Variants in GRM3 observed in about 807,000 individuals in gnomAD.
GRM3 encodes glutamate metabotropic receptor 3, also known as metabotropic glutamate receptor 3.
Under a neutral mutation model 70.5 loss-of-function variants are expected in GRM3, and 26 were observed. The ratio of observed to expected loss-of-function variants is 0.37; its 90% CI spans 0.27 to 0.51. The LOEUF is 0.51. GRM3 is among the 20% of genes least tolerant of loss of function. The pLI is 0.93. For missense variants in GRM3, 859 were observed against 1,123.8 expected (o/e 0.76, Z 3.37); for synonymous variants, 443 against 434.9 (o/e 1.02, Z -0.23).
At chr7:86,844,604 A>G (rs1186133056) in intron 4 of GRM3, among the ~76,000 whole-genome samples, 5 of 152,236 alleles carry the variant, frequency 3.3e-5, no homozygotes, top group Non-Finnish European at 1.5e-5. Flanking sequence ...TACATGGCAA[A>G]AAGGCATAAA....
chr7:86,692,998 C>T (rs1260906363), intron 1 of GRM3, among the ~76,000 whole-genome samples: 2 of 152,056 alleles, frequency 1.3e-5, no homozygotes, highest in African/African-American at 2.4e-5. Context: ...AAAATAAAGG[C>T]AGTTTTCAGA....
At chr7:86,676,390 T>A (rs1052329167) in intron 1 of GRM3, among the ~76,000 whole-genome samples, 2 of 151,318 alleles carry the variant, frequency 1.3e-5, no homozygotes, top group African/African-American at 4.9e-5. Flanking sequence ...AACAAAAAAA[T>A]TAACAAGGTA....
rs572486406 is a variant in GRM3, at chr7:86,801,236, A to G, written c.1324+14120A>G. Among the ~76,000 whole-genome samples the G allele has an allele frequency of 3.3e-5, 5 of 152,026 alleles. No individual in the cohort carries two copies. The South Asian group carries it at 8.3e-4, about 25-fold the overall frequency. On this transcript the variant is annotated intron_variant, in intron 3 of 5. Transcript: ENST00000361669. ...CAGGTGCATGCCGCCATGCCCAGCA[A>G]ATTTTTGTATTTTTAGTCGAGACGG...
At chr7:86,661,117 A>G (rs753808120) in intron 1 of GRM3, among the ~76,000 whole-genome samples, 2 of 152,046 alleles carry the variant, frequency 1.3e-5, no homozygotes, top group African/African-American at 2.4e-5. Context: ...AATAAAGTCT[A>G]TAGGAGAATG....
At chr7:86,820,843 C>T (rs1199138571) in intron 3 of GRM3, among the ~76,000 whole-genome samples, 1 of 152,154 alleles carries the variant, frequency 6.6e-6, no homozygotes, top group Non-Finnish European at 1.5e-5. Flanking sequence ...AAAGTAAATG[C>T]TTCCAGCCTC....
At chr7:86,836,162 C>G (rs1798452411) in intron 3 of GRM3, among the ~76,000 whole-genome samples, 1 of 152,094 alleles carries the variant, frequency 6.6e-6, no homozygotes, top group South Asian at 2.1e-4. Flanking sequence ...ATACAATGTT[C>G]ATGGGAGTAT....
intron 1 of GRM3, among the ~76,000 whole-genome samples, chr7:86,738,858 A>G (rs1433209606): frequency 6.6e-6 from 1 of 152,242 alleles, no homozygotes; most frequent in Non-Finnish European, 1.5e-5. Context: ...GCTAATTAAC[A>G]TATCCATTAC....
chr7:86,767,089 G>A (rs1029082177), intron 2 of GRM3, among the ~76,000 whole-genome samples: 1 of 151,970 alleles, frequency 6.6e-6, no homozygotes, highest in Non-Finnish European at 1.5e-5. Context: ...GGACACACCT[G>A]TGTTCCCAGA....
chr7:86,695,407 A>G (rs1342174400), intron 1 of GRM3, among the ~76,000 whole-genome samples: 5 of 152,182 alleles, frequency 3.3e-5, no homozygotes, highest in African/African-American at 1.2e-4. Context: ...TATTTCTTAT[A>G]TCTGATATAG....
chr7:86,711,119 T>A (rs1795189325), intron 1 of GRM3, among the ~76,000 whole-genome samples: 1 of 151,968 alleles, frequency 6.6e-6, no homozygotes, highest in Non-Finnish European at 1.5e-5. Context: ...CATAATAAAA[T>A]ATATTTCTTG....
At chr7:86,848,439 T>G (rs1214304644) in intron 4 of GRM3, among the ~76,000 whole-genome samples, 2 of 152,190 alleles carry the variant, frequency 1.3e-5, no homozygotes, top group Non-Finnish European at 2.9e-5. Flanking sequence ...CATGGAAAGA[T>G]ACATCCTTCA....
At chr7:86,769,603 T>C (rs1796688759) in intron 2 of GRM3, among the ~76,000 whole-genome samples, 1 of 152,224 alleles carries the variant, frequency 6.6e-6, no homozygotes, top group Non-Finnish European at 1.5e-5. Flanking sequence ...GAAGGCAGCA[T>C]AGGAGATATG....
chr7:86,826,528 G>C (rs551758297), intron 3 of GRM3, among the ~76,000 whole-genome samples: 1 of 152,088 alleles, frequency 6.6e-6, no homozygotes, highest in African/African-American at 2.4e-5. Flanking sequence ...GCTGATGAAC[G>C]GGGAAAGGAG....
At chr7:86,690,403 T>C (rs918136354) in intron 1 of GRM3, among the ~76,000 whole-genome samples, 18 of 152,170 alleles carry the variant, frequency 1.2e-4, no homozygotes, top group Non-Finnish European at 1.5e-5. Flanking sequence ...ATCTGCTTTA[T>C]ATTTTAGGAT....
Position 86,765,034 on chromosome 7 carries a change from T to C in GRM3, c.-112T>C. On this transcript the variant is annotated 5_prime_UTR_variant, in exon 2 of 6. Transcript: ENST00000361669. Reference sequence around the variant, plus strand: ...TTTTGTGACAGGCTCTGTTAGTCTGTTCCTCCCTTATTTGAAGGACAGGCC... The same window carrying C: ...TTTTGTGACAGGCTCTGTTAGTCTGCTCCTCCCTTATTTGAAGGACAGGCC... 2 of 1,492,628 alleles carry C rather than the reference T, an allele frequency of 1.3e-6. No individual in the cohort carries two copies. The highest frequency in any genetic ancestry group is 1.4e-5 in the South Asian group (1 of 70,160). The allele number at this position is 1,492,628 out of a possible 1,614,324, so 92.5% of individuals were successfully genotyped here. A position where few individuals can be genotyped will look rare whatever the true frequency, so the allele number is the denominator to read the frequency against.
At position 86,789,054 on chromosome 7, in the gene GRM3, A is replaced by G. The variant is rs76803451; in HGVS notation, c.1324+1938A>G. On this transcript the variant is annotated intron_variant, in intron 3 of 5. Coordinates refer to ENST00000361669, the MANE Select transcript of GRM3 (RefSeq NM_000840.3). ...AGCCCATTATTTGGATAAACAAAACAAAAGTATCCTCTTTTTGTCTGTCTT... is the reference window on the plus strand; with the variant it reads ...AGCCCATTATTTGGATAAACAAAACGAAAGTATCCTCTTTTTGTCTGTCTT... Among the ~76,000 whole-genome samples, 4 of 152,354 alleles carry G rather than the reference A, an allele frequency of 2.6e-5. No homozygotes were observed. The East Asian group carries it at 7.7e-4, about 29-fold the overall frequency.
At chr7:86,655,071 G>A (rs890844158) in intron 1 of GRM3, among the ~76,000 whole-genome samples, 11 of 152,138 alleles carry the variant, frequency 7.2e-5, no homozygotes, top group Admixed American at 2.0e-4. Flanking sequence ...ACTTCCCAGC[G>A]TGGCCATTAA....
chr7:86,836,554 A>C (rs1462510167), intron 3 of GRM3, among the ~76,000 whole-genome samples: 1 of 152,196 alleles, frequency 6.6e-6, no homozygotes, highest in Non-Finnish European at 1.5e-5. Flanking sequence ...AAAAGGATGG[A>C]GGAGCAGGCT....
chr7:86,679,343 A>T (rs1255365781), intron 1 of GRM3, among the ~76,000 whole-genome samples: 1 of 152,104 alleles, frequency 6.6e-6, no homozygotes, highest in East Asian at 1.9e-4. Context: ...CTACACTTTT[A>T]AAAGGAGTAA....
Sources: gnomAD v4.1 joint callset for allele counts (sites outside exome capture counted in the v4.1 genomes callset) on GRCh38, gnomAD v4.1.1 for gene constraint, MANE v1.5 for transcripts, NCBI Gene and HGNC (gene_info 2026-07-23, HGNC 2026-07-21) for gene names.